CIMIP2A: variants seen among roughly 807,000 people sequenced by gnomAD.
CIMIP2A encodes the protein family with sequence similarity 166 member A.
At chr9:137,252,462 G>A in the CIMIP2A span, 9 of 1,610,924 alleles carry the variant, frequency 5.6e-6, no homozygotes, top group South Asian at 7.7e-5. Context: ...GGGCATGGCA[G>A]ACTTTGTGGT....
chr9:137,248,511 C>G, the CIMIP2A span, among the ~76,000 whole-genome samples: 1 of 147,706 alleles, frequency 6.8e-6, no homozygotes, highest in African/African-American at 2.5e-5. Context: ...CCACTGCACT[C>G]CAGCCTGGGC....
At chr9:137,254,890 G>A in the CIMIP2A span, among the ~76,000 whole-genome samples, 1 of 152,242 alleles carries the variant, frequency 6.6e-6, no homozygotes, top group Non-Finnish European at 1.5e-5. Context: ...TTTGGCGACA[G>A]CGCCGGGGTG....
At chr9:137,251,054 G>T in the CIMIP2A span, 8 of 547,056 alleles carry the variant, frequency 1.5e-5, no homozygotes, top group African/African-American at 1.1e-4. Context: ...GAAAGGTTGC[G>T]GGGAGGGAGA....
At chr9:137,254,614 C>T in the CIMIP2A span, among the ~76,000 whole-genome samples, 1 of 152,236 alleles carries the variant, frequency 6.6e-6, no homozygotes, top group Admixed American at 6.5e-5. Context: ...GCAGCGGAGA[C>T]CGAAAAGAGA....
the CIMIP2A span, chr9:137,252,809 C>CCCTGTTTCAGG: frequency 1.9e-6 from 3 of 1,565,904 alleles, no homozygotes; most frequent in South Asian, 3.5e-5. Context: ...CAGGGTGCAG[C>CCCTGTTTCAGG]CCCAGTCCCT....
the CIMIP2A span, chr9:137,244,075 G>T: frequency 7.9e-7 from 1 of 1,260,998 alleles, no homozygotes; most frequent in Admixed American, 1.7e-5. Context: ...TGGTCAGACA[G>T]GTGGTCCTGA....
At chr9:137,248,532 G>A in the CIMIP2A span, among the ~76,000 whole-genome samples, 2 of 122,244 alleles carry the variant, frequency 1.6e-5, no homozygotes, top group Non-Finnish European at 3.4e-5. Flanking sequence ...CACAGAGTGA[G>A]ACTCTGTCTC....
chr9:137,249,796 A>G, the CIMIP2A span, among the ~76,000 whole-genome samples: 1 of 152,224 alleles, frequency 6.6e-6, no homozygotes, highest in Non-Finnish European at 1.5e-5. Context: ...ACGCTTCTTC[A>G]TTGGTATCCT....
the CIMIP2A span, chr9:137,243,815 C>G: frequency 3.7e-6 from 6 of 1,612,552 alleles, no homozygotes; most frequent in Non-Finnish European, 5.1e-6. Context: ...TGCAGCTGAG[C>G]TGGGCTTATG....
At chr9:137,253,084 G>T in the CIMIP2A span, 1 of 1,544,730 alleles carries the variant, frequency 6.5e-7, no homozygotes, top group Non-Finnish European at 8.8e-7. Flanking sequence ...GCTGCTACCT[G>T]GGTGGGGCTC....
At chr9:137,252,171 C>G in the CIMIP2A span, 1 of 1,584,420 alleles carries the variant, frequency 6.3e-7, no homozygotes, top group Non-Finnish European at 8.6e-7. Flanking sequence ...ACCACCGGGC[C>G]TGTCCCTCAC....
the CIMIP2A span, chr9:137,244,698 C>G: frequency 2.5e-6 from 4 of 1,613,628 alleles, no homozygotes; most frequent in Non-Finnish European, 3.4e-6. Flanking sequence ...TAATTCAACC[C>G]CATTACCCAG....
At chr9:137,253,481 C>T in the CIMIP2A span, 160 of 1,432,570 alleles carry the variant, frequency 1.1e-4, no homozygotes, top group Non-Finnish European at 1.4e-4. Context: ...TTGGTTTTCC[C>T]GAGCTCTGTG....
the CIMIP2A span, among the ~76,000 whole-genome samples, chr9:137,254,973 G>T: frequency 6.6e-6 from 1 of 152,226 alleles, no homozygotes; most frequent in Admixed American, 6.5e-5. Flanking sequence ...GCCCCTGCGG[G>T]GCAGAGGGGC....
the CIMIP2A span, chr9:137,245,438 T>C: frequency 1.9e-6 from 3 of 1,613,764 alleles, no homozygotes; most frequent in Non-Finnish European, 2.5e-6. Context: ...GTGTCGGGCG[T>C]GAAGCCTGCA....
chr9:137,252,452 G>A, the CIMIP2A span: 1 of 1,611,052 alleles, frequency 6.2e-7, no homozygotes, highest in East Asian at 2.2e-5. Flanking sequence ...GGTGGCCGCA[G>A]GGCATGGCAG....
the CIMIP2A span, chr9:137,244,309 T>C: frequency 1.1e-5 from 17 of 1,612,980 alleles, 1 homozygote; most frequent in Middle Eastern, 3.3e-4. Context: ...AGGAAGGTGC[T>C]AACAAGCTCC....
At chr9:137,245,411 G>A in the CIMIP2A span, 112 of 1,613,670 alleles carry the variant, frequency 6.9e-5, no homozygotes, top group African/African-American at 2.4e-4. Context: ...CTGCCTGGTG[G>A]GCACGGAGGG....
chr9:137,243,964 G>A, the CIMIP2A span, among the ~76,000 whole-genome samples: 7 of 152,156 alleles, frequency 4.6e-5, no homozygotes, highest in Middle Eastern at 3.4e-3. Context: ...CTTGGGGCTC[G>A]GCCTGTGTCT....
Sources: allele counts gnomAD v4.1 joint callset (sites outside exome capture counted in the v4.1 genomes callset), GRCh38; gene constraint gnomAD v4.1.1; transcripts MANE v1.5; gene names NCBI Gene and HGNC (gene_info 2026-07-23, HGNC 2026-07-21).